Variants in NIBAN2 observed in about 807,000 individuals in gnomAD.
NIBAN2 encodes niban apoptosis regulator 2.
A neutral mutation model predicts 81.8 loss-of-function variants in NIBAN2; 36 were observed. That is an observed-to-expected ratio of 0.44 (90% CI 0.34 to 0.58). The LOEUF is 0.58. NIBAN2 is among the 20% of genes least tolerant of loss of function. The pLI, the probability that NIBAN2 is intolerant of heterozygous loss-of-function variation, is 0.02. For synonymous variants in NIBAN2, 445 were observed against 441.6 expected, an observed-to-expected ratio of 1.01 and a Z score of -0.10; for missense variants, 897 against 1,014.1, an observed-to-expected ratio of 0.88 and a Z score of 1.57.
intron 1 of NIBAN2, among the ~76,000 whole-genome samples, chr9:127,549,721 C>T (rs1837541748): frequency 1.3e-5 from 2 of 152,172 alleles, no homozygotes; most frequent in Non-Finnish European, 1.5e-5. Context: ...GAAACCCAAT[C>T]CCAGATTGGA....
chr9:127,553,768 G>C (rs758595942), intron 1 of NIBAN2, among the ~76,000 whole-genome samples: 10 of 152,214 alleles, frequency 6.6e-5, no homozygotes, highest in Non-Finnish European at 1.5e-4. Context: ...CCAGGCTGGA[G>C]AGCCGTAGCA....
intron 2 of NIBAN2, among the ~76,000 whole-genome samples, chr9:127,531,277 G>A (rs765850109): frequency 5.9e-5 from 9 of 151,960 alleles, no homozygotes; most frequent in Non-Finnish European, 1.2e-4. Context: ...GAGGTCAGGA[G>A]TTTGAGACCA....
At chr9:127,578,872 A>G in intron 1 of NIBAN2, 1 of 1,589,426 alleles carries the variant, frequency 6.3e-7, no homozygotes, top group Non-Finnish European at 8.6e-7. Flanking sequence ...AAACAAACAA[A>G]AAAGAACCCC....
At position 127,505,648 on chromosome 9, in the gene NIBAN2, C is replaced by A. The variant is rs1401114473; in HGVS notation, c.*1197G>T. On this transcript the variant is annotated 3_prime_UTR_variant, in exon 14 of 14. Transcript: ENST00000373312. ...CAAAAGGAGTCCATTTCTGCCCTGC[C>A]CCCCGCAAAGCAGCAGGGGAGGGGG... The A allele has an allele frequency of 6.6e-6, 1 of 152,294 alleles. No homozygotes were observed. The highest frequency in any genetic ancestry group is 1.5e-5 in the Non-Finnish European group (1 of 68,142). The allele number at this position is 152,294 out of a possible 1,614,324, so 9.4% of individuals were successfully genotyped here.
At chr9:127,512,287 A>T (rs1201117316) in intron 8 of NIBAN2, among the ~76,000 whole-genome samples, 36 of 140,154 alleles carry the variant, frequency 2.6e-4, no homozygotes, top group South Asian at 4.5e-4. Flanking sequence ...TTCATTTTAC[A>T]TTTTTTTTTT....
chr9:127,568,938 G>A lies in NIBAN2; in HGVS notation c.-64C>T. 8.3e-7 allele frequency: 1 copy of A among 1,204,422 alleles called. No homozygotes were observed. The highest frequency in any genetic ancestry group is 1.0e-6 in the Non-Finnish European group (1 of 971,396). The allele number at this position is 1,204,422 out of a possible 1,614,324, so 74.6% of individuals were successfully genotyped here. On this transcript the variant is annotated 5_prime_UTR_variant, in exon 1 of 14. Transcript: ENST00000373312. ...CGCTGTTGCCCGCGCTGCTCAGGCG[G>A]ACGCCGCTGGCGCCATGGAGCCCGG...
chr9:127,566,482 G>C (rs777277023), intron 1 of NIBAN2, among the ~76,000 whole-genome samples: 2 of 152,184 alleles, frequency 1.3e-5, no homozygotes, highest in Non-Finnish European at 2.9e-5. Flanking sequence ...TGAAATCCCA[G>C]GATGAAAGGT....
intron 1 of NIBAN2, among the ~76,000 whole-genome samples, chr9:127,549,988 G>A (rs1045926160): frequency 3.3e-5 from 5 of 152,130 alleles, no homozygotes; most frequent in East Asian, 1.9e-4. Flanking sequence ...GAGACCCTGC[G>A]CAGCCAACAG....
chr9:127,535,042 A>AGTC (rs1837249665), intron 1 of NIBAN2, among the ~76,000 whole-genome samples: 1 of 151,998 alleles, frequency 6.6e-6, no homozygotes, highest in Admixed American at 6.6e-5. Context: ...AGGGATGAGG[A>AGTC]GTCAAGCCAC....
At chr9:127,552,957 G>A (rs1055964624) in intron 1 of NIBAN2, among the ~76,000 whole-genome samples, 11 of 152,134 alleles carry the variant, frequency 7.2e-5, no homozygotes, top group African/African-American at 2.7e-4. Context: ...CTCCCAAAAT[G>A]CTGGGATTAC....
intron 3 of NIBAN2, among the ~76,000 whole-genome samples, chr9:127,526,923 G>T (rs964240971): frequency 2.8e-5 from 4 of 142,362 alleles, no homozygotes; most frequent in African/African-American, 1.0e-4. Flanking sequence ...GAGAGATTAG[G>T]AGGGATGGGG....
chr9:127,523,633 G>A, intron 5 of NIBAN2, 46 bp downstream of exon 5: 1 of 1,581,234 alleles, frequency 6.3e-7, no homozygotes, highest in Non-Finnish European at 8.6e-7. Context: ...AATAACCCAG[G>A]TCCTGCCCCT....
At chr9:127,556,535 T>A (rs527619980) in intron 1 of NIBAN2, among the ~76,000 whole-genome samples, 1 of 152,252 alleles carries the variant, frequency 6.6e-6, no homozygotes, top group Non-Finnish European at 1.5e-5. Flanking sequence ...AAATGTTCAT[T>A]ACAGTTATTG....
At position 127,536,609 on chromosome 9, in the gene NIBAN2, G is replaced by A. The variant is rs568304124; in HGVS notation, c.56-4831C>T. Among the ~76,000 whole-genome samples the A allele has an allele frequency of 6.6e-6, 1 of 152,330 alleles. No individual in the cohort carries two copies. Among genetic ancestry groups the A allele is most frequent in the East Asian group, 1.9e-4 (1 of 5,188 alleles). On this transcript the variant is annotated intron_variant, in intron 1 of 13. Transcript: ENST00000373312. This position sits in a 1 kb window ranked among gnomAD's most constrained non-coding sequence, Gnocchi z 4.0. ...CCCACAGCAGCTCTTTCCATTTCCT[G>A]CCGCAGCCTCTGGAGACACCACACG...
intron 1 of NIBAN2, among the ~76,000 whole-genome samples, chr9:127,553,632 G>A (rs1038965204): frequency 6.6e-5 from 10 of 152,198 alleles, no homozygotes; most frequent in South Asian, 2.1e-4. Context: ...TGGGGTCTTC[G>A]TGCTCAGCCT....
chr9:127,544,965 G>C (rs1837443869), intron 1 of NIBAN2, among the ~76,000 whole-genome samples: 1 of 152,218 alleles, frequency 6.6e-6, no homozygotes, highest in African/African-American at 2.4e-5. Flanking sequence ...ACTGAGGCTG[G>C]GGAAATGGGG....
chr9:127,542,197 T>C (rs1356144438), intron 1 of NIBAN2, among the ~76,000 whole-genome samples: 6 of 152,102 alleles, frequency 3.9e-5, no homozygotes, highest in Admixed American at 2.0e-4. Flanking sequence ...CAGGCCCAAG[T>C]CATCTGGGGT....
chr9:127,507,715 G>A lies in NIBAN2; in HGVS notation c.1654+152C>T. Reference sequence around the variant, plus strand: ...GACGCAAGGCTAAGGCTGCTCCGGAGGCCACACAGCGAAGAGTGGGCTTCA... The same window carrying A: ...GACGCAAGGCTAAGGCTGCTCCGGAAGCCACACAGCGAAGAGTGGGCTTCA... On this transcript the variant is annotated intron_variant, in intron 13 of 13. Coordinates refer to ENST00000373312, the MANE Select transcript of NIBAN2 (RefSeq NM_022833.4). This position sits in a 1 kb window ranked among gnomAD's most constrained non-coding sequence, Gnocchi z 6.8. The A allele has an allele frequency of 2.7e-6, 2 of 744,048 alleles. No individual in the cohort carries two copies. The highest frequency in any genetic ancestry group is 7.8e-4 in the Middle Eastern group (2 of 2,550). 46.1% of individuals were successfully genotyped at this position (744,048 alleles called of 1,614,324 possible).
intron 1 of NIBAN2, among the ~76,000 whole-genome samples, chr9:127,576,853 C>T (rs893520574): frequency 2.0e-5 from 3 of 151,546 alleles, no homozygotes; most frequent in African/African-American, 7.3e-5. Flanking sequence ...CCACAACGTC[C>T]GGCTAATTTT....
Sources: allele counts gnomAD v4.1 joint callset (sites outside exome capture counted in the v4.1 genomes callset), GRCh38; gene constraint gnomAD v4.1.1; non-coding constraint Gnocchi (gnomAD v3.1); transcripts MANE v1.5; gene names NCBI Gene and HGNC (gene_info 2026-07-23, HGNC 2026-07-21).